FGF12: variants seen among roughly 807,000 people sequenced by gnomAD.
FGF12 encodes the protein fibroblast growth factor 12B.
FGF12 carries 14 observed loss-of-function variants against 23.6 expected under a neutral mutation model. The ratio of observed to expected loss-of-function variants is 0.59; its 90% CI spans 0.39 to 0.93. FGF12 has a LOEUF of 0.93. Among genes scored for constraint, FGF12 ranks in the 40% least tolerant of loss-of-function variants. The pLI is 0.00. For missense variants in FGF12, 175 were observed against 217.8 expected, an observed-to-expected ratio of 0.80 and a Z score of 1.24; for synonymous variants, 62 against 77.3, an observed-to-expected ratio of 0.80 and a Z score of 1.04.
intron 2 of FGF12, among the ~76,000 whole-genome samples, chr3:192,386,472 T>G (rs1340742976): frequency 6.6e-6 from 1 of 152,138 alleles, no homozygotes; most frequent in Non-Finnish European, 1.5e-5. Context: ...GCAATACTTA[T>G]AAACCTCACC....
intron 4 of FGF12, among the ~76,000 whole-genome samples, chr3:192,273,364 A>T (rs1873892): frequency 0.36 from 54,350 of 152,076 alleles, 10,818 homozygotes; most frequent in East Asian, 0.9. Context: ...AAAACTTCAC[A>T]AAATACAAAC....
intron 2 of FGF12, among the ~76,000 whole-genome samples, chr3:192,499,516 ATTTT>A (rs71177364): frequency 3.1e-4 from 12 of 38,834 alleles, no homozygotes; most frequent in Admixed American, 1.5e-3. Flanking sequence ...ATATATATAT[ATTTT>A]TTTTTTTTTT....
intron 2 of FGF12, among the ~76,000 whole-genome samples, chr3:192,442,742 A>G (rs372786872): frequency 1.3e-5 from 2 of 152,088 alleles, no homozygotes; most frequent in South Asian, 2.1e-4. Flanking sequence ...GGTAACTGAG[A>G]TGAGCCCTAG....
In FGF12 at chr3:192,288,739, C is replaced by T. The variant is rs1043668766; in HGVS notation, c.228+46622G>A. Among the ~76,000 whole-genome samples the T allele has an allele frequency of 2.0e-5, 3 of 152,010 alleles. No homozygotes were observed. In the South Asian group the frequency reaches 6.2e-4, roughly 32 times the overall value. On this transcript the variant is annotated intron_variant, in intron 4 of 5. Coordinates refer to ENST00000445105, the MANE Select transcript of FGF12 (RefSeq NM_004113.6). ...CAAAGTAGACAAAATTTTAGTCTAT[C>T]CCAAAACTAGTTTGTGCTGGTTACC... is the stretch of plus-strand genomic sequence containing the variant.
At chr3:192,548,010 A>T (rs1725538788) in intron 2 of FGF12, among the ~76,000 whole-genome samples, 1 of 152,206 alleles carries the variant, frequency 6.6e-6, no homozygotes, top group Admixed American at 6.5e-5. Context: ...TGAAACCAAG[A>T]TTTAAAAAAC....
At chr3:192,490,590 A>G (rs745679344) in intron 2 of FGF12, among the ~76,000 whole-genome samples, 6 of 152,066 alleles carry the variant, frequency 3.9e-5, no homozygotes, top group Non-Finnish European at 8.8e-5. Context: ...TATTTACCAA[A>G]AAGACAGAGA....
intron 4 of FGF12, among the ~76,000 whole-genome samples, chr3:192,247,910 T>C (rs1436923693): frequency 1.3e-5 from 2 of 152,202 alleles, no homozygotes; most frequent in African/African-American, 4.8e-5. Flanking sequence ...TTAACACATA[T>C]TGTAATGTCT....
At chr3:192,526,320 C>T (rs140311718) in intron 2 of FGF12, among the ~76,000 whole-genome samples, 22 of 152,270 alleles carry the variant, frequency 1.4e-4, no homozygotes, top group African/African-American at 5.3e-4. Context: ...CAAAGTACTT[C>T]TTGAAAATTT....
chr3:192,617,492 G>A (rs1714804245), intron 2 of FGF12, among the ~76,000 whole-genome samples: 1 of 152,066 alleles, frequency 6.6e-6, no homozygotes, highest in South Asian at 2.1e-4. Context: ...GACCATTCTG[G>A]TTTGGAAATC....
chr3:192,638,108 G>A (rs191480463), intron 2 of FGF12, among the ~76,000 whole-genome samples: 4 of 152,252 alleles, frequency 2.6e-5, no homozygotes, highest in Admixed American at 2.6e-4. Flanking sequence ...GTGTGTTTGT[G>A]TGTGTCTATA....
intron 2 of FGF12, among the ~76,000 whole-genome samples, chr3:192,625,849 C>T (rs1715147863): frequency 6.6e-6 from 1 of 152,068 alleles, no homozygotes; most frequent in Non-Finnish European, 1.5e-5. Flanking sequence ...TGTCATGTTT[C>T]TAAACTTTAA....
chr3:192,312,402 CTTTAA>C (rs142937114), intron 4 of FGF12, among the ~76,000 whole-genome samples: 5,359 of 148,106 alleles, frequency 0.036, 305 homozygotes, highest in African/African-American at 0.13. Context: ...AAAACTTAGC[CTTTAA>C]TTTTTTTTTT....
chr3:192,154,799 C>T (rs1714272601), intron 5 of FGF12, among the ~76,000 whole-genome samples: 1 of 147,162 alleles, frequency 6.8e-6, no homozygotes, highest in African/African-American at 2.5e-5. Context: ...GAGGTGGAGC[C>T]TACAGAGGCA....
At chr3:192,332,023 G>C (rs1213268272) in intron 4 of FGF12, among the ~76,000 whole-genome samples, 1 of 152,048 alleles carries the variant, frequency 6.6e-6, no homozygotes, top group African/African-American at 2.4e-5. Context: ...GAAGAAAAGT[G>C]AAATCAGAGA....
chr3:192,711,342 G>C (rs1054067833), intron 2 of FGF12, among the ~76,000 whole-genome samples: 2 of 151,424 alleles, frequency 1.3e-5, no homozygotes, highest in Non-Finnish European at 2.9e-5. Flanking sequence ...GGGCATCTCC[G>C]CCCAGCCGCC....
At chr3:192,640,736 A>G (rs1189118385) in intron 2 of FGF12, among the ~76,000 whole-genome samples, 1 of 152,164 alleles carries the variant, frequency 6.6e-6, no homozygotes, top group Non-Finnish European at 1.5e-5. Context: ...ATTGTGACCC[A>G]TGGGCCAATT....
At chr3:192,405,878 C>T (rs566433208) in intron 2 of FGF12, among the ~76,000 whole-genome samples, 49 of 152,334 alleles carry the variant, frequency 3.2e-4, no homozygotes, top group Admixed American at 1.2e-3. Flanking sequence ...ACACACACCA[C>T]ATGCCCATTC....
At chr3:192,395,293 T>C (rs1380541339) in intron 2 of FGF12, among the ~76,000 whole-genome samples, 1 of 152,116 alleles carries the variant, frequency 6.6e-6, no homozygotes, top group Non-Finnish European at 1.5e-5. Context: ...AAATACTAAG[T>C]ATAAGAAGGG....
intron 4 of FGF12, among the ~76,000 whole-genome samples, chr3:192,270,164 T>C (rs2108627212): frequency 6.6e-6 from 1 of 152,332 alleles, no homozygotes. Context: ...TTTGCTCTGA[T>C]GACCATAGAG....
Sources: allele counts gnomAD v4.1 joint callset (sites outside exome capture counted in the v4.1 genomes callset), GRCh38; gene constraint gnomAD v4.1.1; transcripts MANE v1.5; gene names NCBI Gene and HGNC (gene_info 2026-07-23, HGNC 2026-07-21).